KCNJ6: variants seen among roughly 807,000 people sequenced by gnomAD.
KCNJ6 encodes the protein potassium inwardly rectifying channel subfamily J member 6, also known as G protein-activated inward rectifier potassium channel 2.
A neutral mutation model predicts 34.2 loss-of-function variants in KCNJ6; 9 were observed. The ratio of observed to expected loss-of-function variants is 0.26; its 90% CI spans 0.16 to 0.46. KCNJ6 has a LOEUF of 0.46. KCNJ6 is among the 20% of genes least tolerant of loss of function. The pLI, the probability that KCNJ6 is intolerant of heterozygous loss-of-function variation, is 1.00. For synonymous variants in KCNJ6, 196 were observed against 207.1 expected (o/e 0.95, Z 0.46); for missense variants, 236 against 531.3 (o/e 0.44, Z 5.46).
chr21:37,655,298 G>T (rs2054458754), intron 3 of KCNJ6, among the ~76,000 whole-genome samples: 1 of 145,980 alleles, frequency 6.9e-6, no homozygotes, highest in South Asian at 2.2e-4. Context: ...TAACCATGAA[G>T]AGGTAATTGA....
At chr21:37,765,176 C>T (rs532032016) in intron 2 of KCNJ6, among the ~76,000 whole-genome samples, 5 of 152,066 alleles carry the variant, frequency 3.3e-5, no homozygotes, top group Admixed American at 6.5e-5. Context: ...GGGTTGTTTC[C>T]GTCTGTTGTG....
intron 3 of KCNJ6, among the ~76,000 whole-genome samples, chr21:37,707,735 G>GTGTGTGTGTGTGTATGTGTGC (rs1267356647): frequency 6.7e-6 from 1 of 149,680 alleles, no homozygotes; most frequent in African/African-American, 2.5e-5. Flanking sequence ...GTGTGTGTGT[G>GTGTGTGTGTGTGTATGTGTGC]AATAATTTAC....
chr21:37,851,327 T>C (rs1039963312), intron 1 of KCNJ6, among the ~76,000 whole-genome samples: 1 of 152,174 alleles, frequency 6.6e-6, no homozygotes, highest in Non-Finnish European at 1.5e-5. Context: ...TGCAAAAAAG[T>C]GTAGGGTGCA....
intron 3 of KCNJ6, among the ~76,000 whole-genome samples, chr21:37,687,997 C>G (rs1384434770): frequency 6.6e-6 from 1 of 152,154 alleles, no homozygotes; most frequent in Non-Finnish European, 1.5e-5. Flanking sequence ...TTCACTGAGT[C>G]CTACCATCTG....
At chr21:37,890,059 T>A (rs1468524780) in intron 1 of KCNJ6, among the ~76,000 whole-genome samples, 1 of 152,196 alleles carries the variant, frequency 6.6e-6, no homozygotes, top group Non-Finnish European at 1.5e-5. Flanking sequence ...TATACTTCCA[T>A]ATTAGTCTTC....
intron 1 of KCNJ6, among the ~76,000 whole-genome samples, chr21:37,872,035 G>A (rs745354019): frequency 1.2e-4 from 19 of 152,102 alleles, no homozygotes; most frequent in Non-Finnish European, 2.4e-4. Flanking sequence ...GACGGGGATT[G>A]TGGGAGAAGG....
intron 2 of KCNJ6, among the ~76,000 whole-genome samples, chr21:37,802,448 G>C (rs1412572650): frequency 6.6e-6 from 1 of 151,072 alleles, no homozygotes; most frequent in Non-Finnish European, 1.5e-5. Flanking sequence ...CCTTATAAGG[G>C]TAGGGCGGGA....
In KCNJ6 at chr21:37,649,215, A is replaced by T. The variant is rs1486179339; in HGVS notation, c.947-23731T>A. ...CTTTTGCTTTCCCTCCTCCTCACTT[A>T]TCTTACATTTCCTCAAGCTAACCAT... On this transcript the variant is annotated intron_variant, in intron 3 of 3. Transcript: ENST00000609713. Among the ~76,000 whole-genome samples the T allele has an allele frequency of 3.3e-5, 5 of 151,018 alleles. 1 individual carries two copies. The highest frequency in any genetic ancestry group is 3.3e-4 in the Admixed American group (5 of 15,152).
At chr21:37,640,901 C>T (rs1187670861) in intron 3 of KCNJ6, among the ~76,000 whole-genome samples, 1 of 152,146 alleles carries the variant, frequency 6.6e-6, no homozygotes, top group South Asian at 2.1e-4. Flanking sequence ...CATGAACTCA[C>T]TAAAGCCCAT....
At position 37,747,282 on chromosome 21, in the gene KCNJ6, G is replaced by A. The variant is rs988544262; in HGVS notation, c.26-32151C>T. ...AGGGGATTTGTGTCTTGCCAGAAGG[G>A]ATTTATGCCTTGCCTTAGAGGAGGT... On this transcript the variant is annotated intron_variant, in intron 2 of 3. Transcript: ENST00000609713. Among the ~76,000 whole-genome samples the A allele has an allele frequency of 3.9e-5, 6 of 152,326 alleles. 1 individual carries two copies. In the South Asian group the frequency reaches 1.2e-3, roughly 32 times the overall value.
intron 1 of KCNJ6, among the ~76,000 whole-genome samples, chr21:37,843,660 G>A (rs1253057011): frequency 6.6e-6 from 1 of 152,208 alleles, no homozygotes; most frequent in Non-Finnish European, 1.5e-5. Context: ...TAGAATTACA[G>A]CATATTAAAA....
At chr21:37,658,731 T>A (rs914344486) in intron 3 of KCNJ6, among the ~76,000 whole-genome samples, 5 of 152,300 alleles carry the variant, frequency 3.3e-5, no homozygotes, top group Middle Eastern at 6.8e-3. Context: ...TGGAAGGGAC[T>A]TCAGAGGGCG....
At chr21:37,751,087 T>C (rs1393287055) in intron 2 of KCNJ6, among the ~76,000 whole-genome samples, 5 of 152,122 alleles carry the variant, frequency 3.3e-5, no homozygotes, top group South Asian at 2.1e-4. Flanking sequence ...CACTAAACAA[T>C]GAAGTAGGGA....
chr21:37,860,113 C>T (rs1311344696), intron 1 of KCNJ6, among the ~76,000 whole-genome samples: 1 of 152,168 alleles, frequency 6.6e-6, no homozygotes, highest in Non-Finnish European at 1.5e-5. Flanking sequence ...CATCTTTGCT[C>T]CTGTTCTTCC....
intron 2 of KCNJ6, among the ~76,000 whole-genome samples, chr21:37,719,865 G>GT (rs1241449719): frequency 6.6e-6 from 1 of 152,208 alleles, no homozygotes; most frequent in Non-Finnish European, 1.5e-5. Flanking sequence ...TTGTTGCAGG[G>GT]AAGCCTCCCC....
chr21:37,806,544 C>G (rs1039884145), intron 2 of KCNJ6, among the ~76,000 whole-genome samples: 3 of 152,160 alleles, frequency 2.0e-5, no homozygotes, highest in African/African-American at 7.2e-5. Context: ...CTTGATCATG[C>G]TGAGGAGATT....
At chr21:37,660,957 A>G (rs1426331909) in intron 3 of KCNJ6, among the ~76,000 whole-genome samples, 4 of 152,224 alleles carry the variant, frequency 2.6e-5, no homozygotes, top group African/African-American at 9.7e-5. Context: ...GTCACATAGG[A>G]TAGAGGTAAG....
At chr21:37,760,120 A>T (rs2055053145) in intron 2 of KCNJ6, among the ~76,000 whole-genome samples, 4 of 152,218 alleles carry the variant, frequency 2.6e-5, no homozygotes, top group Admixed American at 2.6e-4. Flanking sequence ...CCCAGCCAAC[A>T]TCAGATGGAA....
intron 2 of KCNJ6, among the ~76,000 whole-genome samples, chr21:37,758,797 C>T (rs1395324086): frequency 1.3e-5 from 2 of 152,108 alleles, no homozygotes; most frequent in Admixed American, 6.5e-5. Context: ...TGCCTGCCTA[C>T]TTTTTTGTTT....
Sources: gnomAD v4.1 joint callset for allele counts (sites outside exome capture counted in the v4.1 genomes callset) on GRCh38, gnomAD v4.1.1 for gene constraint, MANE v1.5 for transcripts, NCBI Gene and HGNC (gene_info 2026-07-23, HGNC 2026-07-21) for gene names.